The following TSPAN11 variants were observed in gnomAD, a reference collection of about 807,000 sequenced individuals.
TSPAN11 encodes tetraspanin-11.
TSPAN11 carries 29 observed loss-of-function variants against 32.9 expected under a neutral mutation model. That is an observed-to-expected ratio of 0.88 (90% CI 0.66 to 1.20). The LOEUF (loss-of-function observed/expected upper bound fraction) is 1.20, where lower values mean the gene tolerates loss of function less well. TSPAN11 is among the 50% of genes most tolerant of loss of function. TSPAN11 has a pLI of 0.00. For synonymous variants in TSPAN11, 140 were observed against 141.3 expected (o/e 0.99, Z 0.07); for missense variants, 283 against 329.1 (o/e 0.86, Z 1.08).
chr12:30,953,951 C>T, intron 1 of TSPAN11, 30 bp from the exon 2 acceptor site: 1 of 1,558,674 alleles, frequency 6.4e-7, no homozygotes. Context: ...TCGGTGATTC[C>T]CCGGCCCAGC....
chr12:30,983,019 G>T, intron 6 of TSPAN11, 45 bp from the exon 7 acceptor site: 3 of 1,585,740 alleles, frequency 1.9e-6, no homozygotes, highest in Non-Finnish European at 2.6e-6. Context: ...CCCCACCCAT[G>T]CCTGCTCCTG....
chr12:31,011,980 C>T, the TSPAN11 span, among the ~76,000 whole-genome samples: 9 of 152,220 alleles, frequency 5.9e-5, no homozygotes, highest in East Asian at 1.9e-4. Context: ...CCGGGGTCCC[C>T]GTCTCCTTAG....
intron 5 of TSPAN11, among the ~76,000 whole-genome samples, chr12:30,981,501 CAG>C (rs569560508): frequency 6.2e-4 from 95 of 152,282 alleles, no homozygotes; most frequent in Admixed American, 5.2e-3. Context: ...CACAGACCAG[CAG>C]AGTCACGTGG....
intron 3 of TSPAN11, among the ~76,000 whole-genome samples, chr12:30,971,228 G>A (rs1938844654): frequency 6.6e-6 from 1 of 152,218 alleles, no homozygotes; most frequent in Non-Finnish European, 1.5e-5. Context: ...CAGAATGGCT[G>A]GAGATACAGA....
rs1040580693 is a variant in TSPAN11, at chr12:30,961,246, G to A, written c.85-2580G>A. The stretch of plus-strand genomic sequence containing the variant: ...TCCAGGCGGCTTGAGTGACAGCCAT[G>A]AGCCATTAATTCAGAACCATCTTGC... On this transcript the variant is annotated intron_variant, in intron 2 of 7. Transcript: ENST00000546076. 6.6e-5 allele frequency among the ~76,000 whole-genome samples: 10 copies of A among 151,812 alleles called. 1 individual carries two copies. The highest frequency in any genetic ancestry group is 2.2e-4 in the African/African-American group (9 of 41,138).
At chr12:30,965,863 G>GGA (rs1938721013) in intron 3 of TSPAN11, among the ~76,000 whole-genome samples, 1 of 152,164 alleles carries the variant, frequency 6.6e-6, no homozygotes, top group Admixed American at 6.5e-5. Flanking sequence ...AGGGGGCACA[G>GGA]GAGAGGCACA....
chr12:30,978,867 G>A, intron 4 of TSPAN11: 3 of 541,214 alleles, frequency 5.5e-6, no homozygotes, highest in Admixed American at 3.1e-5. Context: ...TGGGGACGGG[G>A]GCTTCCCAAG....
At chr12:30,958,796 G>C (rs192308637) in intron 2 of TSPAN11, among the ~76,000 whole-genome samples, 22 of 152,296 alleles carry the variant, frequency 1.4e-4, no homozygotes, top group African/African-American at 5.3e-4. Flanking sequence ...GGCAGTGGCA[G>C]TGTCAGGCAT....
chr12:30,991,740 C>A, intron 7 of TSPAN11, 116 bp from the exon 8 acceptor site: 1 of 1,076,486 alleles, frequency 9.3e-7, no homozygotes, highest in Non-Finnish European at 1.4e-6. Context: ...CAGGAATCTG[C>A]CCTTTGCCCA....
At chr12:31,004,145 A>C in the TSPAN11 span, among the ~76,000 whole-genome samples, 1 of 152,190 alleles carries the variant, frequency 6.6e-6, no homozygotes, top group Admixed American at 6.5e-5. Flanking sequence ...GATCCTGGCT[A>C]GTGGATAACC....
At chr12:30,990,878 C>A (rs569688124) in intron 7 of TSPAN11, among the ~76,000 whole-genome samples, 4 of 152,182 alleles carry the variant, frequency 2.6e-5, no homozygotes, top group Non-Finnish European at 5.9e-5. Context: ...TAGCCCAGTG[C>A]CCCCTCCTGT....
downstream of TSPAN11, among the ~76,000 whole-genome samples, chr12:30,999,598 G>C (rs1054827609): frequency 1.3e-5 from 2 of 151,258 alleles, no homozygotes; most frequent in African/African-American, 4.8e-5. Flanking sequence ...AATGGTTTTT[G>C]TATGGGTACT....
chr12:30,958,007 C>T (rs73286448), intron 2 of TSPAN11, among the ~76,000 whole-genome samples: 4,951 of 152,002 alleles, frequency 0.033, 268 homozygotes, highest in African/African-American at 0.11. Context: ...ATGAGTGTAA[C>T]TATGGAAACG....
intron 1 of TSPAN11, among the ~76,000 whole-genome samples, chr12:30,950,715 C>T (rs950471311): frequency 1.3e-5 from 2 of 152,176 alleles, no homozygotes; most frequent in Admixed American, 6.5e-5. Flanking sequence ...ACTCCTTGAA[C>T]TTATTGACCT....
intron 1 of TSPAN11, among the ~76,000 whole-genome samples, chr12:30,941,746 C>G (rs566616001): frequency 5.3e-5 from 8 of 152,370 alleles, no homozygotes; most frequent in African/African-American, 1.9e-4. Context: ...CTGGTGCTGC[C>G]TCCTGGAACC....
chr12:30,937,068 G>A (rs1938059737), intron 1 of TSPAN11, among the ~76,000 whole-genome samples: 2 of 152,164 alleles, frequency 1.3e-5, no homozygotes, highest in South Asian at 2.1e-4. Context: ...GGGAGAGAAG[G>A]CTTCAAAAGA....
chr12:30,968,034 G>A (rs960077534), intron 3 of TSPAN11, among the ~76,000 whole-genome samples: 3 of 152,198 alleles, frequency 2.0e-5, no homozygotes, highest in African/African-American at 7.2e-5. Flanking sequence ...GTCAAGTGGT[G>A]TGGTTAAGGC....
At chr12:30,961,148 G>C (rs1565795537) in intron 2 of TSPAN11, among the ~76,000 whole-genome samples, 2 of 151,796 alleles carry the variant, frequency 1.3e-5, no homozygotes, top group African/African-American at 2.4e-5. Flanking sequence ...AGTTCACTGG[G>C]GTCAGATCTC....
chr12:30,953,711 A>G (rs1001808575), intron 1 of TSPAN11, among the ~76,000 whole-genome samples: 10 of 152,226 alleles, frequency 6.6e-5, no homozygotes, highest in African/African-American at 2.2e-4. Context: ...GACCAGCGCA[A>G]ATTCTGTGGG....
Sources: allele counts gnomAD v4.1 joint callset (sites outside exome capture counted in the v4.1 genomes callset), GRCh38; gene constraint gnomAD v4.1.1; transcripts MANE v1.5; gene names NCBI Gene and HGNC (gene_info 2026-07-23, HGNC 2026-07-21).